Variants in CNOT4 observed in about 807,000 individuals in gnomAD.
CNOT4 encodes the protein CCR4-associated factor 4.
A neutral mutation model predicts 73.8 loss-of-function variants in CNOT4; 8 were observed. The ratio of observed to expected loss-of-function variants is 0.11; its 90% CI spans 0.06 to 0.20. The LOEUF (loss-of-function observed/expected upper bound fraction) is 0.20. Ranked by LOEUF, CNOT4 falls within the 10% of genes least tolerant of loss-of-function variation. The probability of loss-of-function intolerance (pLI) is 1.00; values close to 1 mark genes in which losing one functional copy is unlikely to be tolerated. For synonymous variants in CNOT4, 293 were observed against 321.1 expected, an observed-to-expected ratio of 0.91 and a Z score of 0.94; for missense variants, 564 against 883.4, an observed-to-expected ratio of 0.64 and a Z score of 4.58.
intron 10 of CNOT4, among the ~76,000 whole-genome samples, chr7:135,378,984 CAAAA>C (rs34447722): frequency 1.0e-5 from 1 of 97,140 alleles, no homozygotes; most frequent in Non-Finnish European, 2.0e-5. Context: ...AACCCTGTCT[CAAAA>C]AAAAAAAAAA....
At chr7:135,400,587 T>C (rs1796955422) in intron 7 of CNOT4, among the ~76,000 whole-genome samples, 1 of 152,104 alleles carries the variant, frequency 6.6e-6, no homozygotes, top group African/African-American at 2.4e-5. Flanking sequence ...GGGCAACATA[T>C]GAAAATATTA....
chr7:135,427,785 A>T (rs1358742174), intron 2 of CNOT4, among the ~76,000 whole-genome samples: 2 of 152,292 alleles, frequency 1.3e-5, no homozygotes, highest in African/African-American at 4.8e-5. Flanking sequence ...TCTTACTAAC[A>T]TCCTAAAAAT....
intron 2 of CNOT4, among the ~76,000 whole-genome samples, chr7:135,426,112 G>T (rs904821251): frequency 3.3e-5 from 5 of 152,090 alleles, no homozygotes; most frequent in African/African-American, 1.2e-4. Context: ...TACTTGGGAG[G>T]CTGAGGCAGG....
At chr7:135,485,835 A>G (rs1364739557) in intron 1 of CNOT4, among the ~76,000 whole-genome samples, 2 of 152,234 alleles carry the variant, frequency 1.3e-5, no homozygotes, top group Non-Finnish European at 2.9e-5. Context: ...AACTTTTAGG[A>G]AAAAACTTAG....
At position 135,449,098 on chromosome 7, in the gene CNOT4, C is replaced by T. The variant is rs116347553; in HGVS notation, c.-92-10675G>A. Reference sequence around the variant, plus strand: ...ACTACAGGTAACACAGATGAATCTCCCAAACATAATTTGAGCAAAAACAGC... The same window carrying T: ...ACTACAGGTAACACAGATGAATCTCTCAAACATAATTTGAGCAAAAACAGC... On this transcript the variant is annotated intron_variant, in intron 1 of 11. Coordinates refer to ENST00000541284, the MANE Select transcript of CNOT4 (RefSeq NM_001190850.2). Among the ~76,000 whole-genome samples, 678 of 152,182 alleles carry T rather than the reference C, an allele frequency of 4.5e-3. 10 individuals are homozygous for T. Among genetic ancestry groups the T allele is most frequent in the African/African-American group, 0.016 (652 of 41,498 alleles).
intron 7 of CNOT4, among the ~76,000 whole-genome samples, chr7:135,400,329 T>C (rs1796936848): frequency 6.6e-6 from 1 of 152,042 alleles, no homozygotes; most frequent in Non-Finnish European, 1.5e-5. Flanking sequence ...GAAAGATTAA[T>C]TTGGTGGCGG....
intron 10 of CNOT4, among the ~76,000 whole-genome samples, chr7:135,367,664 T>C (rs1794989136): frequency 6.6e-6 from 1 of 152,232 alleles, no homozygotes; most frequent in Admixed American, 6.5e-5. Flanking sequence ...TAGCCCTGTG[T>C]ACTAGTCTCC....
chr7:135,398,219 C>T lies in CNOT4; in HGVS notation c.829G>A (p.Asp277Asn). Reference protein sequence around the residue: ...TPLQRYDTPIDKPSDSLSIGN... With the variant: ...TPLQRYDTPINKPSDSLSIGN... The stretch of plus-strand genomic sequence containing the variant: ...ATACTGAGAGAATCTGAAGGTTTGT[C>T]AATGGGGCTATAAAAAGAAAACAAA... Residue 277 changes from aspartate (D) to asparagine (N), a missense_variant, in exon 8 of 12, where the codon GAC (aspartate) becomes AAC (asparagine). By Grantham distance (23) the Asp-to-Asn change is conservative. This residue lies in a region of CNOT4 where 135 missense variants were observed against 154.0 expected (regional missense o/e 0.88). Coordinates refer to ENST00000541284, the MANE Select transcript of CNOT4 (RefSeq NM_001190850.2). 6.6e-7 allele frequency: 1 copy of T among 1,522,196 alleles called. No individual in the cohort carries two copies. The highest frequency in any genetic ancestry group is 9.1e-7 in the Non-Finnish European group (1 of 1,098,340). The allele number at this position is 1,522,196 out of a possible 1,614,324, so 94.3% of individuals were successfully genotyped here.
At chr7:135,454,142 A>G (rs1800375990) in intron 1 of CNOT4, among the ~76,000 whole-genome samples, 1 of 151,792 alleles carries the variant, frequency 6.6e-6, no homozygotes, top group South Asian at 2.1e-4. Flanking sequence ...GTGTTTTAAC[A>G]TTTGTTCCTC....
chr7:135,483,079 T>C (rs1802489719), intron 1 of CNOT4, among the ~76,000 whole-genome samples: 2 of 150,210 alleles, frequency 1.3e-5, no homozygotes, highest in South Asian at 4.2e-4. Flanking sequence ...TCATGCCTGT[T>C]TTCTCAGTAC....
At chr7:135,388,241 T>C in intron 10 of CNOT4, 13 of 985,020 alleles carry the variant, frequency 1.3e-5, no homozygotes, top group Non-Finnish European at 1.6e-5. Context: ...TTTCTACACA[T>C]GTAATGCATA....
intron 1 of CNOT4, among the ~76,000 whole-genome samples, chr7:135,453,792 T>A (rs1227967051): frequency 2.2e-5 from 3 of 139,008 alleles, no homozygotes; most frequent in South Asian, 4.3e-4. Flanking sequence ...AAAAATATTT[T>A]TATATATAAA....
chr7:135,421,069 CTTCTTACTA>C (rs1204676753), intron 3 of CNOT4, among the ~76,000 whole-genome samples: 1 of 152,126 alleles, frequency 6.6e-6, no homozygotes, highest in Non-Finnish European at 1.5e-5. Context: ...ATGACAGATC[CTTCTTACTA>C]ATGTCCCTGA....
At position 135,480,057 on chromosome 7, in the gene CNOT4, C is replaced by G. The variant is rs371989380; in HGVS notation, c.-93+29832G>C. 2.6e-5 allele frequency among the ~76,000 whole-genome samples: 4 copies of G among 152,230 alleles called. 1 individual carries two copies. The highest frequency in any genetic ancestry group is 9.6e-5 in the African/African-American group (4 of 41,558). Reference sequence around the variant, plus strand: ...AAAAAAAGTTCACATAATAAGATAACTTGCAAAAAATGCTGCTTATTTTAG... The same window carrying G: ...AAAAAAAGTTCACATAATAAGATAAGTTGCAAAAAATGCTGCTTATTTTAG... On this transcript the variant is annotated intron_variant, in intron 1 of 11. Coordinates refer to ENST00000541284, the MANE Select transcript of CNOT4 (RefSeq NM_001190850.2).
intron 2 of CNOT4, among the ~76,000 whole-genome samples, chr7:135,425,955 C>A (rs968050151): frequency 6.6e-5 from 10 of 151,972 alleles, no homozygotes; most frequent in Admixed American, 6.6e-4. Flanking sequence ...GGGCTGGGTG[C>A]GGTGGCTCAC....
chr7:135,377,700 C>T (rs918651472), intron 10 of CNOT4, among the ~76,000 whole-genome samples: 2 of 152,070 alleles, frequency 1.3e-5, no homozygotes, highest in African/African-American at 4.8e-5. Flanking sequence ...ATGCTCATCA[C>T]ATTACTAAGG....
intron 1 of CNOT4, among the ~76,000 whole-genome samples, chr7:135,485,674 G>A (rs572356694): frequency 0.4 from 88 of 220 alleles, no homozygotes; most frequent in Admixed American, 0.5. Flanking sequence ...TAAATGGTGC[G>A]AGAGCAATGC....
At chr7:135,460,507 G>C (rs1800811949) in intron 1 of CNOT4, among the ~76,000 whole-genome samples, 1 of 152,142 alleles carries the variant, frequency 6.6e-6, no homozygotes, top group African/African-American at 2.4e-5. Context: ...CCAGTCACCA[G>C]AGCAGTCAGA....
chr7:135,499,392 C>T (rs909389130), intron 1 of CNOT4, among the ~76,000 whole-genome samples: 6 of 152,124 alleles, frequency 3.9e-5, no homozygotes, highest in African/African-American at 1.4e-4. Flanking sequence ...TTATTTTCTG[C>T]CTCTCCTCCC....
Sources: gnomAD v4.1 joint callset for allele counts (sites outside exome capture counted in the v4.1 genomes callset) on GRCh38, gnomAD v4.1.1 for gene constraint, gnomAD v4.1.1 regional missense constraint, MANE v1.5 for transcripts, NCBI Gene and HGNC (gene_info 2026-07-23, HGNC 2026-07-21) for gene names.